TNS1: variants seen among roughly 807,000 people sequenced by gnomAD.
The protein encoded by TNS1 is tensin-1.
TNS1 carries 62 observed loss-of-function variants against 168.6 expected under a neutral mutation model. The observed-to-expected ratio is 0.37, with a 90% CI of 0.30 to 0.45. The LOEUF is 0.45. TNS1 is among the 20% of genes least tolerant of loss of function. The pLI is 1.00. For synonymous variants in TNS1, 934 were observed against 933.2 expected (o/e 1.00, Z -0.02); for missense variants, 2,240 against 2,339.4 (o/e 0.96, Z 0.88).
chr2:217,972,543 C>A (rs1482789245), intron 3 of TNS1, among the ~76,000 whole-genome samples: 1 of 152,176 alleles, frequency 6.6e-6, no homozygotes, highest in Non-Finnish European at 1.5e-5. Flanking sequence ...GGGAGGAGAC[C>A]AAGCTGTTGC....
intron 22 of TNS1, among the ~76,000 whole-genome samples, chr2:217,822,298 C>T (rs1021152513): frequency 1.3e-5 from 2 of 152,206 alleles, no homozygotes; most frequent in African/African-American, 4.8e-5. Flanking sequence ...AGGTTCTCCT[C>T]GTGCCACTAG....
At chr2:217,857,804 A>G (rs771513707) in intron 18 of TNS1, among the ~76,000 whole-genome samples, 5 of 152,096 alleles carry the variant, frequency 3.3e-5, no homozygotes, top group Non-Finnish European at 5.9e-5. Flanking sequence ...CTATAACCCG[A>G]GCCTGGCACT....
At chr2:217,905,254 C>A (rs1335566996) in intron 6 of TNS1, 1 of 310,518 alleles carries the variant, frequency 3.2e-6, no homozygotes, top group Non-Finnish European at 6.5e-6. Context: ...AAGGGCCCCT[C>A]CCCAGTATGA....
chr2:217,951,698 G>C (rs1378935022), intron 3 of TNS1, among the ~76,000 whole-genome samples: 1 of 152,086 alleles, frequency 6.6e-6, no homozygotes, highest in Non-Finnish European at 1.5e-5. Context: ...CCCACCACTG[G>C]GGGAAACCTG....
rs1938064074 is a variant in TNS1, at chr2:217,804,577, T to C, written c.5402A>G (p.Gln1801Arg). ...AKLFGFVARK[Q>R]GSTTDNACHL... Reference sequence around the variant, plus strand: ...GCAGGCGTTGTCCGTGGTGCTGCCCTGCTTCCGGGCCACGAAGCCGAAGAG... The same window carrying C: ...GCAGGCGTTGTCCGTGGTGCTGCCCCGCTTCCGGGCCACGAAGCCGAAGAG... Residue 1801 changes from glutamine to arginine, a missense_variant, in exon 33 of 33, where the codon CAG (glutamine) becomes CGG (arginine). By Grantham distance (43) the Gln-to-Arg change is conservative. Transcript: ENST00000682258. 2 of 1,614,062 alleles carry C rather than the reference T, an allele frequency of 1.2e-6. No homozygotes were observed. The highest frequency in any genetic ancestry group is 1.7e-6 in the Non-Finnish European group (2 of 1,179,948).
At chr2:217,816,854 G>C (rs1941964051) in intron 24 of TNS1, among the ~76,000 whole-genome samples, 1 of 152,162 alleles carries the variant, frequency 6.6e-6, no homozygotes, top group Admixed American at 6.6e-5. Flanking sequence ...AATCTAGGGA[G>C]CTGGGGCCCA....
rs3838555 is a variant in TNS1 at position 217,966,268 on chromosome 2, CGTGTGTGTGTGT to C, written c.186+12485_186+12496del. ...CCTCCCTGCTATGGGGAGCAGGCTG[CGTGTGTGTGTGT>C]GTGTGTGTGTGTGTGTGTGTGTGTG... On this transcript the variant is annotated intron_variant, in intron 3 of 32. Transcript: ENST00000682258. Among the ~76,000 whole-genome samples, 407 of 140,844 alleles carry C rather than the reference CGTGTGTGTGTGT, an allele frequency of 2.9e-3. 3 individuals are homozygous for C. Among genetic ancestry groups the C allele is most frequent in the South Asian group, 0.021 (90 of 4,194 alleles). The allele number at this position is 140,844 out of a possible 152,430, so 92.4% of individuals were successfully genotyped here. A position where few individuals can be genotyped will look rare whatever the true frequency, so the allele number is the denominator to read the frequency against.
intron 18 of TNS1, among the ~76,000 whole-genome samples, chr2:217,878,538 C>G (rs1252847152): frequency 6.6e-6 from 1 of 152,100 alleles, no homozygotes; most frequent in East Asian, 1.9e-4. Context: ...TGGCAACTAC[C>G]AAGTTCTTGG....
intron 21 of TNS1, 33 bp downstream of exon 21, chr2:217,835,058 A>C: frequency 6.5e-7 from 1 of 1,550,210 alleles, no homozygotes; most frequent in South Asian, 1.2e-5. Flanking sequence ...TGGAGGGTAC[A>C]CAGGGAAGAC....
chr2:217,975,495 C>A (rs1325521231), intron 3 of TNS1, among the ~76,000 whole-genome samples: 1 of 152,100 alleles, frequency 6.6e-6, no homozygotes, highest in Non-Finnish European at 1.5e-5. Context: ...GCATTAGGAA[C>A]CAGCCACTTA....
intron 3 of TNS1, among the ~76,000 whole-genome samples, chr2:217,932,671 A>G (rs59104566): frequency 0.022 from 3,343 of 152,320 alleles, 131 homozygotes; most frequent in African/African-American, 0.074. Flanking sequence ...GAGAAACAAT[A>G]GAGGGAGAGG....
At chr2:217,933,010 T>C (rs1956404804) in intron 3 of TNS1, among the ~76,000 whole-genome samples, 1 of 152,214 alleles carries the variant, frequency 6.6e-6, no homozygotes, top group Admixed American at 6.5e-5. Context: ...CAGCTCTCTG[T>C]TGCTCCTTGA....
At chr2:218,007,795 G>A (rs1958673314), upstream of TNS1, among the ~76,000 whole-genome samples, 1 of 152,106 alleles carries the variant, frequency 6.6e-6, no homozygotes, top group South Asian at 2.1e-4. Flanking sequence ...CTCAGCCTCT[G>A]AGTCCCGGGT....
intron 27 of TNS1, 35 bp from the exon 28 acceptor site, chr2:217,812,480 A>G: frequency 6.3e-7 from 1 of 1,590,362 alleles, no homozygotes; most frequent in African/African-American, 1.3e-5. Context: ...ATGGGCAGTG[A>G]TACTGGAAGC....
At position 217,968,278 on chromosome 2, in the gene TNS1, T is replaced by G. The variant is rs945914987; in HGVS notation, c.186+10487A>C. Among the ~76,000 whole-genome samples the G allele has an allele frequency of 1.3e-5, 2 of 152,170 alleles. 1 individual carries two copies. The highest frequency in any genetic ancestry group is 1.3e-4 in the Admixed American group (2 of 15,284). The stretch of plus-strand genomic sequence containing the variant: ...CTTGCCACATCTAGTAACATTGTAT[T>G]GAAGTTTCCAGTCAGGACAATTAGG... On this transcript the variant is annotated intron_variant, in intron 3 of 32. Transcript: ENST00000682258.
intron 6 of TNS1, among the ~76,000 whole-genome samples, chr2:217,901,469 T>C (rs1049803974): frequency 2.0e-5 from 3 of 152,170 alleles, no homozygotes; most frequent in Non-Finnish European, 4.4e-5. Context: ...AACATTCACC[T>C]CTATAGAAAA....
intron 3 of TNS1, among the ~76,000 whole-genome samples, chr2:217,942,407 C>CT (rs1274965230): frequency 6.6e-6 from 1 of 152,200 alleles, no homozygotes; most frequent in Non-Finnish European, 1.5e-5. Context: ...CGGGTCTCTC[C>CT]CCCCAACCTC....
chr2:217,800,597 A>G lies in TNS1; in HGVS notation c.*3862T>C, dbSNP rs1937338478. The G allele has an allele frequency of 6.6e-6, 1 of 152,266 alleles. No individual in the cohort carries two copies. The highest frequency in any genetic ancestry group is 2.4e-5 in the African/African-American group (1 of 41,446). The allele number at this position is 152,266 out of a possible 1,614,324, so 9.4% of individuals were successfully genotyped here. A position where few individuals can be genotyped will look rare whatever the true frequency, so the allele number is the denominator to read the frequency against. On this transcript the variant is annotated 3_prime_UTR_variant, in exon 33 of 33. Coordinates refer to ENST00000682258, the MANE Select transcript of TNS1 (RefSeq NM_001387777.1). ...CACACGTCCTGTGTTACCACTGGCC[A>G]AGGAAACGCGAGTCTCAGGATTCCA...
chr2:217,978,827 G>GA (rs1559397460), intron 2 of TNS1, 25 bp from the exon 3 acceptor site: 2 of 702,238 alleles, frequency 2.8e-6, no homozygotes, highest in Admixed American at 2.0e-5. Flanking sequence ...GACACAGAAA[G>GA]AAAGTTTTAG....
Sources: allele counts gnomAD v4.1 joint callset (sites outside exome capture counted in the v4.1 genomes callset), GRCh38; gene constraint gnomAD v4.1.1; transcripts MANE v1.5; gene names NCBI Gene and HGNC (gene_info 2026-07-23, HGNC 2026-07-21).